FAM153A: variants seen among roughly 807,000 people sequenced by gnomAD.
FAM153A encodes protein FAM153A.
In FAM153A, 12 loss-of-function variants were observed where a neutral mutation model predicts 48.1. The observed-to-expected ratio is 0.25, with a 90% CI of 0.16 to 0.40. The LOEUF (loss-of-function observed/expected upper bound fraction) is 0.40, where lower values mean the gene tolerates loss of function less well. Among genes scored for constraint, FAM153A ranks in the 10% least tolerant of loss-of-function variants. The probability of loss-of-function intolerance (pLI) is 1.00; values close to 1 mark genes in which losing one functional copy is unlikely to be tolerated. For missense variants in FAM153A, 111 were observed against 345.8 expected, an observed-to-expected ratio of 0.32 and a Z score of 5.38; for synonymous variants, 36 against 118.2, an observed-to-expected ratio of 0.30 and a Z score of 4.51.
At chr5:177,708,487 G>C (rs908108266), downstream of FAM153A, among the ~76,000 whole-genome samples, 30 of 151,994 alleles carry the variant, frequency 2.0e-4, 1 homozygote, top group African/African-American at 4.4e-4. Context: ...TGAAGTAGGA[G>C]AATCGCTTGA....
At chr5:177,758,333 A>G (rs1476033021) in intron 1 of FAM153A, among the ~76,000 whole-genome samples, 3 of 137,310 alleles carry the variant, frequency 2.2e-5, no homozygotes, top group African/African-American at 7.6e-5. Context: ...AGAGGATACA[A>G]AGAAATGGAA....
intron 1 of FAM153A, among the ~76,000 whole-genome samples, chr5:177,766,316 A>G (rs375733790): frequency 1.0e-5 from 1 of 97,842 alleles, no homozygotes; most frequent in African/African-American, 3.4e-5. Context: ...AACACAGGTT[A>G]AAGTACTAGA....
the FAM153A span, among the ~76,000 whole-genome samples, chr5:177,696,024 T>C: frequency 9.0e-3 from 794 of 88,110 alleles, 11 homozygotes; most frequent in African/African-American, 0.03. Context: ...CCTCACTTCC[T>C]AGATGGGGCG....
At chr5:177,779,033 G>C (rs1356643950) in intron 1 of FAM153A, among the ~76,000 whole-genome samples, 7 of 143,014 alleles carry the variant, frequency 4.9e-5, no homozygotes, top group Non-Finnish European at 1.1e-4. Context: ...CAAGTAACTT[G>C]CATAACTGGA....
At chr5:177,715,843 T>C (rs1365857963) in intron 25 of FAM153A, among the ~76,000 whole-genome samples, 1 of 151,740 alleles carries the variant, frequency 6.6e-6, no homozygotes, top group East Asian at 1.9e-4. Flanking sequence ...AGCTAATTTT[T>C]AAATTTTTTT....
At chr5:177,781,388 T>G (rs1182357894), upstream of FAM153A, among the ~76,000 whole-genome samples, 335 of 141,938 alleles carry the variant, frequency 2.4e-3, no homozygotes, top group Non-Finnish European at 3.8e-3. Context: ...CCCAAAGTGC[T>G]GGGATTACAG....
At chr5:177,752,953 G>T (rs1446410623) in intron 1 of FAM153A, among the ~76,000 whole-genome samples, 31 of 145,642 alleles carry the variant, frequency 2.1e-4, no homozygotes, top group East Asian at 9.7e-4. Context: ...AAAAAAATTG[G>T]CATTGGAAAC....
intron 25 of FAM153A, chr5:177,714,327 T>C (rs931915162): frequency 8.5e-6 from 1 of 117,962 alleles, no homozygotes; most frequent in African/African-American, 2.8e-5. Flanking sequence ...TTAAAATTGC[T>C]TTTTTTCTAC....
chr5:177,706,458 CA>C (rs1757901083), downstream of FAM153A, among the ~76,000 whole-genome samples: 1 of 151,908 alleles, frequency 6.6e-6, no homozygotes, highest in Non-Finnish European at 1.5e-5. Context: ...CTCGGCCTCC[CA>C]AAGTGCTGGG....
At chr5:177,716,547 G>A (rs1373099392) in intron 24 of FAM153A, 5 of 151,806 alleles carry the variant, frequency 3.3e-5, no homozygotes, top group Non-Finnish European at 7.4e-5. Context: ...CTATCAGCGA[G>A]AAGGTGCCTG....
intron 1 of FAM153A, among the ~76,000 whole-genome samples, chr5:177,752,618 CAAAAAAAAAAAAA>C (rs71274705): frequency 3.2e-5 from 1 of 31,038 alleles, no homozygotes; most frequent in Non-Finnish European, 4.8e-5. Context: ...GAGACTCTGC[CAAAAAAAAAAAAA>C]AAAAAAAAAA....
chr5:177,739,619 C>A, exon 9 of FAM153A: 1 of 633,698 alleles, frequency 1.6e-6, no homozygotes, highest in Non-Finnish European at 2.4e-6. Context: ...AGTGAGGAGA[C>A]TCTGATTGGA....
chr5:177,737,310 C>T (rs887207695), intron 10 of FAM153A, among the ~76,000 whole-genome samples, 198 bp from the exon 13 acceptor site: 3 of 151,650 alleles, frequency 2.0e-5, no homozygotes, highest in Non-Finnish European at 2.9e-5. Context: ...GAAGACAGAG[C>T]CTTGGGTCCT....
the FAM153A span, among the ~76,000 whole-genome samples, chr5:177,698,758 G>A: frequency 1.7e-4 from 25 of 147,708 alleles, no homozygotes; most frequent in South Asian, 8.3e-4. Context: ...TCCTGGGCTC[G>A]AGTGATCCTC....
At chr5:177,752,890 T>C (rs1582472322) in intron 1 of FAM153A, among the ~76,000 whole-genome samples, 1 of 132,106 alleles carries the variant, frequency 7.6e-6, no homozygotes, top group African/African-American at 3.1e-5. Flanking sequence ...ATCACACCAC[T>C]GCATTCTAGC....
chr5:177,722,038 AAT>A (rs1761140707), downstream of FAM153A: 1 of 151,638 alleles, frequency 6.6e-6, no homozygotes, highest in Non-Finnish European at 1.5e-5. Flanking sequence ...ACAATTGGAA[AAT>A]AACTTCAAGA....
intron 9 of FAM153A, 80 bp from the exon 12 acceptor site, chr5:177,739,217 A>G (rs931689599): frequency 6.8e-7 from 1 of 1,478,562 alleles, no homozygotes; most frequent in Non-Finnish European, 9.3e-7. Context: ...ACTTGGTGCT[A>G]TTAGAAAACC....
chr5:177,759,537 C>A (rs1708119153), intron 1 of FAM153A, among the ~76,000 whole-genome samples: 1 of 151,606 alleles, frequency 6.6e-6, no homozygotes, highest in African/African-American at 2.4e-5. Flanking sequence ...TGGCACTATT[C>A]ACAATAGCAA....
intron 25 of FAM153A, among the ~76,000 whole-genome samples, chr5:177,715,135 T>C (rs1759408651): frequency 6.7e-6 from 1 of 150,064 alleles, no homozygotes; most frequent in South Asian, 2.2e-4. Flanking sequence ...AAAGTCCACA[T>C]AGAACCTCTT....
Sources: allele counts gnomAD v4.1 joint callset (sites outside exome capture counted in the v4.1 genomes callset), GRCh38; gene constraint gnomAD v4.1.1; transcripts MANE v1.5; gene names NCBI Gene and HGNC (gene_info 2026-07-23, HGNC 2026-07-21).